The following ENPEP variants were observed in gnomAD, a reference collection of about 807,000 sequenced individuals.
ENPEP encodes the protein glutamyl aminopeptidase.
ENPEP carries 103 observed loss-of-function variants against 114.5 expected under a neutral mutation model. That is an observed-to-expected ratio of 0.90 (90% CI 0.77 to 1.06). The LOEUF is 1.06. Ranked by LOEUF, ENPEP falls within the 50% of genes least tolerant of loss-of-function variation. The probability of loss-of-function intolerance (pLI) is 0.00; values close to 1 mark genes in which losing one functional copy is unlikely to be tolerated. For synonymous variants in ENPEP, 420 were observed against 422.0 expected (o/e 1.00, Z 0.06); for missense variants, 1,196 against 1,161.3 (o/e 1.03, Z -0.43).
At position 110,520,148 on chromosome 4, in the gene ENPEP, A is replaced by T. The variant is rs934845406; in HGVS notation, c.1576-67A>T. On this transcript the variant is annotated intron_variant, in intron 9 of 19. Transcript: ENST00000265162. Reference sequence around the variant, plus strand: ...GGCTTACCAATCATTTTCTAATCTAACTATTCTATCCTTTTATTTTCTCAT... The same window carrying T: ...GGCTTACCAATCATTTTCTAATCTATCTATTCTATCCTTTTATTTTCTCAT... The T allele has an allele frequency of 5.6e-6, 9 of 1,595,894 alleles. No homozygotes were observed. In the East Asian group the frequency reaches 2.0e-4, roughly 36 times the overall value.
At chr4:110,545,653 C>G (rs747597655) in intron 13 of ENPEP, among the ~76,000 whole-genome samples, 11 of 151,930 alleles carry the variant, frequency 7.2e-5, no homozygotes, top group South Asian at 2.1e-4. Flanking sequence ...ACTTTTGGTC[C>G]TCTCTGAACT....
intron 10 of ENPEP, among the ~76,000 whole-genome samples, chr4:110,525,515 G>T (rs1726163223): frequency 6.6e-6 from 1 of 152,172 alleles, no homozygotes; most frequent in Non-Finnish European, 1.5e-5. Context: ...AATCTCCACT[G>T]CCTGATTGTC....
intron 10 of ENPEP, among the ~76,000 whole-genome samples, chr4:110,530,801 A>C (rs1726378375): frequency 6.6e-6 from 1 of 152,152 alleles, no homozygotes; most frequent in African/African-American, 2.4e-5. Flanking sequence ...TAATTTCTAA[A>C]AATGTTTTGT....
intron 1 of ENPEP, among the ~76,000 whole-genome samples, chr4:110,487,040 T>G (rs1724531755): frequency 6.6e-6 from 1 of 152,120 alleles, no homozygotes; most frequent in African/African-American, 2.4e-5. Context: ...GCAGAACTGG[T>G]TGAGCCAGAT....
At chr4:110,491,228 T>A (rs563312274) in intron 3 of ENPEP, 64 bp downstream of exon 3, 9 of 1,478,014 alleles carry the variant, frequency 6.1e-6, no homozygotes, top group Non-Finnish European at 8.1e-6. Flanking sequence ...TCTACCTTTT[T>A]TGGGTAGTTT....
intron 11 of ENPEP, among the ~76,000 whole-genome samples, chr4:110,534,008 C>T (rs1726510897): frequency 6.6e-6 from 1 of 152,186 alleles, no homozygotes; most frequent in Non-Finnish European, 1.5e-5. Flanking sequence ...AGGTCTTTTT[C>T]TACTTCAAAG....
chr4:110,480,818 C>T (rs189861735), intron 1 of ENPEP, among the ~76,000 whole-genome samples: 15 of 152,290 alleles, frequency 9.8e-5, no homozygotes, highest in Admixed American at 4.6e-4. Flanking sequence ...GTTTGAGAAA[C>T]ATCCAGTCGC....
intron 18 of ENPEP, among the ~76,000 whole-genome samples, chr4:110,556,537 T>G (rs1727480077): frequency 6.6e-6 from 1 of 152,136 alleles, no homozygotes; most frequent in Non-Finnish European, 1.5e-5. Context: ...TAGAATTGTT[T>G]CCCTACAACT....
At chr4:110,550,504 G>A (rs576714579) in intron 17 of ENPEP, among the ~76,000 whole-genome samples, 1 of 152,062 alleles carries the variant, frequency 6.6e-6, no homozygotes, top group Admixed American at 6.6e-5. Context: ...AGCAAAACTG[G>A]GCTCTGTGAG....
Position 110,549,869 on chromosome 4 carries a change from C to T in ENPEP, c.2484C>T (p.Asn828=), listed in dbSNP as rs1293295635. The stretch of plus-strand genomic sequence containing the variant: ...TGTATGGATTAGCATCAGTGAAGAA[C>T]GTTACTCTTTTGTCAAGGTAAGTTG... ...KLLYGLASVK[N]VTLLSRYLDL... The change falls in exon 17 of 20, where the codon AAC becomes AAT. Residue 828 remains asparagine, a synonymous_variant. Transcript: ENST00000265162. The T allele has an allele frequency of 5.6e-6, 9 of 1,609,290 alleles. No individual in the cohort carries two copies. Among genetic ancestry groups the T allele is most frequent in the Admixed American group, 1.7e-5 (1 of 58,794 alleles).
chr4:110,495,170 C>T (rs1207135081), intron 3 of ENPEP, among the ~76,000 whole-genome samples: 1 of 152,182 alleles, frequency 6.6e-6, no homozygotes, highest in Admixed American at 6.5e-5. Context: ...TATTGCAATT[C>T]ATTTTCAAAC....
chr4:110,500,336 A>G (rs1160172263), intron 3 of ENPEP, among the ~76,000 whole-genome samples: 1 of 152,212 alleles, frequency 6.6e-6, no homozygotes, highest in Non-Finnish European at 1.5e-5. Flanking sequence ...TTACCTCCCA[A>G]AAGAATATCA....
At chr4:110,514,482 G>A (rs1022183467) in intron 7 of ENPEP, among the ~76,000 whole-genome samples, 15 of 151,368 alleles carry the variant, frequency 9.9e-5, no homozygotes, top group East Asian at 1.9e-4. Context: ...TCTTTATGTC[G>A]AAATGAAAAT....
rs1299036317 is a variant in ENPEP at position 110,541,593 on chromosome 4, A to G, written c.1808-1158A>G. Among the ~76,000 whole-genome samples the G allele has an allele frequency of 3.3e-5, 5 of 151,928 alleles. No homozygotes were observed. In the South Asian group the frequency reaches 8.3e-4, roughly 25 times the overall value. On this transcript the variant is annotated intron_variant, in intron 11 of 19. Transcript: ENST00000265162. ...TCGCCTCCAAAATATCTCCCATACCACTATTGAAATCTTTCCAGAAAATAG... is the reference window on the plus strand; with the variant it reads ...TCGCCTCCAAAATATCTCCCATACCGCTATTGAAATCTTTCCAGAAAATAG...
intron 10 of ENPEP, among the ~76,000 whole-genome samples, chr4:110,524,678 C>T (rs1209681053): frequency 6.6e-6 from 1 of 152,102 alleles, no homozygotes; most frequent in Non-Finnish European, 1.5e-5. Context: ...TTAAATATGG[C>T]TACTGAGTTA....
intron 10 of ENPEP, among the ~76,000 whole-genome samples, chr4:110,525,242 G>A (rs1359269739): frequency 6.6e-6 from 1 of 152,184 alleles, no homozygotes; most frequent in African/African-American, 2.4e-5. Flanking sequence ...CCCATCTGAA[G>A]GAAACAAATT....
rs533717128 is a variant in ENPEP, at chr4:110,544,440, T to C, written c.2000+1370T>C. Among the ~76,000 whole-genome samples, 3 of 152,198 alleles carry C rather than the reference T, an allele frequency of 2.0e-5. No individual in the cohort carries two copies. In the South Asian group the frequency reaches 6.2e-4, roughly 32 times the overall value. Reference sequence around the variant, plus strand: ...TTGTAGCTAATAGAAAATATGATGTTCTAGTGAATCTCCAAGTTTAACCTC... The same window carrying C: ...TTGTAGCTAATAGAAAATATGATGTCCTAGTGAATCTCCAAGTTTAACCTC... On this transcript the variant is annotated intron_variant, in intron 13 of 19. Coordinates refer to ENST00000265162, the MANE Select transcript of ENPEP (RefSeq NM_001977.4).
Position 110,488,273 on chromosome 4 carries a change from A to T in ENPEP, c.645-268A>T, listed in dbSNP as rs1724573519. Among the ~76,000 whole-genome samples the T allele has an allele frequency of 2.0e-5, 3 of 152,206 alleles. No homozygotes were observed. In the South Asian group the frequency reaches 6.2e-4, roughly 31 times the overall value. On this transcript the variant is annotated intron_variant, in intron 1 of 19. Transcript: ENST00000265162. ...TGGCACCAAAATAGCTGTTAGGTTGATGCAAAAGTAACTGTGGTTTTTGAC... is the reference window on the plus strand; with the variant it reads ...TGGCACCAAAATAGCTGTTAGGTTGTTGCAAAAGTAACTGTGGTTTTTGAC...
At chr4:110,547,098 CCTT>C (rs1487582713) in intron 13 of ENPEP, among the ~76,000 whole-genome samples, 2 of 152,040 alleles carry the variant, frequency 1.3e-5, no homozygotes, top group African/African-American at 2.4e-5. Context: ...AAAAAACAAA[CCTT>C]CTGCTGTAAG....
Sources: allele counts gnomAD v4.1 joint callset (sites outside exome capture counted in the v4.1 genomes callset), GRCh38; gene constraint gnomAD v4.1.1; transcripts MANE v1.5; gene names NCBI Gene and HGNC (gene_info 2026-07-23, HGNC 2026-07-21).